Variants in SH3BGRL2 observed in about 807,000 individuals in gnomAD.
SH3BGRL2 encodes SH3 domain binding glutamate rich protein like 2.
In SH3BGRL2, 21 loss-of-function variants were observed where a neutral mutation model predicts 14.8. That is an observed-to-expected ratio of 1.42 (90% CI 1.01 to 2.05). The LOEUF (loss-of-function observed/expected upper bound fraction) is 2.05. SH3BGRL2 is among the 30% of genes most tolerant of loss of function. The pLI is 0.00. For missense variants in SH3BGRL2, 147 were observed against 130.8 expected (o/e 1.12, Z -0.61); for synonymous variants, 50 against 47.8 (o/e 1.05, Z -0.19).
the SH3BGRL2 span, among the ~76,000 whole-genome samples, chr6:79,590,552 G>A: frequency 6.7e-6 from 1 of 149,276 alleles, no homozygotes. Context: ...ATTATCCTAA[G>A]TAAACAATGC....
At chr6:79,550,217 T>C in the SH3BGRL2 span, among the ~76,000 whole-genome samples, 1 of 152,080 alleles carries the variant, frequency 6.6e-6, no homozygotes, top group African/African-American at 2.4e-5. Context: ...AATATTTAGA[T>C]GAAAGGAGGA....
chr6:79,617,070 A>C, the SH3BGRL2 span, among the ~76,000 whole-genome samples: 3 of 152,106 alleles, frequency 2.0e-5, no homozygotes, highest in Non-Finnish European at 4.4e-5. Context: ...CTGTAATCCC[A>C]GCTACCCAGG....
At chr6:79,575,530 C>T in the SH3BGRL2 span, 1 of 152,108 alleles carries the variant, frequency 6.6e-6, no homozygotes, top group African/African-American at 2.4e-5. Context: ...TTTCCAAGGA[C>T]AGTCCTGGTT....
chr6:79,640,452 G>T (rs1402047277), intron 1 of SH3BGRL2, among the ~76,000 whole-genome samples: 1 of 152,170 alleles, frequency 6.6e-6, no homozygotes, highest in Admixed American at 6.5e-5. Flanking sequence ...TCAGATGCCA[G>T]CATCCAGGCA....
intron 1 of SH3BGRL2, among the ~76,000 whole-genome samples, chr6:79,639,671 AATT>A (rs1402454408): frequency 1.3e-5 from 2 of 152,150 alleles, no homozygotes; most frequent in Non-Finnish European, 2.9e-5. Context: ...GGGGTCTAGA[AATT>A]ATTATTTCAC....
At chr6:79,647,005 G>A (rs187777784) in intron 1 of SH3BGRL2, among the ~76,000 whole-genome samples, 101 of 152,306 alleles carry the variant, frequency 6.6e-4, no homozygotes, top group African/African-American at 1.9e-3. Context: ...GAACGTTTGC[G>A]TATAAGTTTT....
chr6:79,610,054 A>C, the SH3BGRL2 span, among the ~76,000 whole-genome samples: 1 of 152,154 alleles, frequency 6.6e-6, no homozygotes, highest in Non-Finnish European at 1.5e-5. Flanking sequence ...TTTTCCACAC[A>C]CTGAGTTTAC....
At chr6:79,680,589 A>G (rs1769969650) in intron 2 of SH3BGRL2, among the ~76,000 whole-genome samples, 1 of 151,316 alleles carries the variant, frequency 6.6e-6, no homozygotes, top group African/African-American at 2.4e-5. Flanking sequence ...TTTTAGGATG[A>G]TTTTTTTTTC....
At chr6:79,654,624 GGTT>G (rs896249379) in intron 1 of SH3BGRL2, among the ~76,000 whole-genome samples, 1 of 152,158 alleles carries the variant, frequency 6.6e-6, no homozygotes, top group Non-Finnish European at 1.5e-5. Context: ...GCTTCATCTT[GGTT>G]GTTGTTCTTG....
At chr6:79,653,215 C>G (rs765668869) in intron 1 of SH3BGRL2, among the ~76,000 whole-genome samples, 1 of 152,088 alleles carries the variant, frequency 6.6e-6, no homozygotes, top group Non-Finnish European at 1.5e-5. Flanking sequence ...AAAAAGACAA[C>G]GAGTTATTCT....
At chr6:79,591,998 C>T in the SH3BGRL2 span, among the ~76,000 whole-genome samples, 1 of 152,084 alleles carries the variant, frequency 6.6e-6, no homozygotes, top group Non-Finnish European at 1.5e-5. Flanking sequence ...TTTTTATGCA[C>T]AGCCCGAGAA....
chr6:79,601,561 A>G, the SH3BGRL2 span, among the ~76,000 whole-genome samples: 14 of 152,214 alleles, frequency 9.2e-5, no homozygotes, highest in South Asian at 2.1e-4. Flanking sequence ...TGCTTCAGCA[A>G]TTCAAGTGTA....
At chr6:79,693,501 A>G (rs965769553) in intron 2 of SH3BGRL2, among the ~76,000 whole-genome samples, 19 of 150,570 alleles carry the variant, frequency 1.3e-4, no homozygotes, top group Non-Finnish European at 1.9e-4. Flanking sequence ...GGTTTGTCAT[A>G]GATAGCTCTT....
At chr6:79,610,370 A>G in the SH3BGRL2 span, among the ~76,000 whole-genome samples, 2 of 152,190 alleles carry the variant, frequency 1.3e-5, no homozygotes, top group South Asian at 4.1e-4. Context: ...AAATTGCTTC[A>G]GGACTTCATG....
the SH3BGRL2 span, among the ~76,000 whole-genome samples, chr6:79,603,764 G>C: frequency 1.3e-5 from 2 of 152,106 alleles, no homozygotes; most frequent in Admixed American, 1.3e-4. Flanking sequence ...AATTAGGCAG[G>C]TGCTGGGTTT....
At chr6:79,662,832 G>A (rs1319834187) in intron 1 of SH3BGRL2, among the ~76,000 whole-genome samples, 1 of 152,056 alleles carries the variant, frequency 6.6e-6, no homozygotes, top group Non-Finnish European at 1.5e-5. Flanking sequence ...TTTCTTGGAG[G>A]CTTTGTTCAT....
At chr6:79,583,965 C>G in the SH3BGRL2 span, among the ~76,000 whole-genome samples, 1 of 152,066 alleles carries the variant, frequency 6.6e-6, no homozygotes, top group African/African-American at 2.4e-5. Context: ...CTAATTGTCA[C>G]TATTTTCTCT....
intron 1 of SH3BGRL2, among the ~76,000 whole-genome samples, chr6:79,645,861 T>TA (rs1324353793): frequency 6.6e-6 from 1 of 152,190 alleles, no homozygotes; most frequent in East Asian, 1.9e-4. Flanking sequence ...GTCTATTTGC[T>TA]ATGTGCTTGG....
the SH3BGRL2 span, among the ~76,000 whole-genome samples, chr6:79,596,549 C>T: frequency 6.6e-6 from 1 of 152,206 alleles, no homozygotes; most frequent in South Asian, 2.1e-4. Context: ...CCCACCTTGG[C>T]CTCCCAAAGA....
Sources: gnomAD v4.1 joint callset for allele counts (sites outside exome capture counted in the v4.1 genomes callset) on GRCh38, gnomAD v4.1.1 for gene constraint, MANE v1.5 for transcripts, NCBI Gene and HGNC (gene_info 2026-07-23, HGNC 2026-07-21) for gene names.